The following REEP3 variants were observed in gnomAD, a reference collection of about 807,000 sequenced individuals.
REEP3 encodes receptor expression-enhancing protein 3.
A neutral mutation model predicts 41.3 loss-of-function variants in REEP3; 20 were observed. The observed-to-expected ratio is 0.48, with a 90% CI of 0.34 to 0.70. The LOEUF is 0.70. Ranked by LOEUF, REEP3 falls within the 30% of genes least tolerant of loss-of-function variation. REEP3 has a pLI of 0.01. For synonymous variants in REEP3, 104 were observed against 101.8 expected (o/e 1.02, Z -0.13); for missense variants, 271 against 308.8 (o/e 0.88, Z 0.92).
intron 2 of REEP3, among the ~76,000 whole-genome samples, chr10:63,579,736 T>A (rs1955932311): frequency 1.3e-5 from 2 of 152,372 alleles, no homozygotes; most frequent in South Asian, 2.1e-4. Context: ...ATGGATTTTT[T>A]AAACCATTTT....
At chr10:63,583,484 G>A (rs897960464) in intron 2 of REEP3, among the ~76,000 whole-genome samples, 1 of 152,202 alleles carries the variant, frequency 6.6e-6, no homozygotes, top group Non-Finnish European at 1.5e-5. Context: ...TACTAAGTCA[G>A]CCATAGCCTT....
intron 2 of REEP3, 147 bp from the exon 3 acceptor site, chr10:63,594,631 G>A: frequency 1.7e-6 from 1 of 597,452 alleles, no homozygotes; most frequent in Non-Finnish European, 3.0e-6. Context: ...ATCACTTTCT[G>A]CGTTTGACCC....
rs1193761057 is a variant in REEP3, at chr10:63,624,142, T to C, written c.*3273T>C. 2 of 152,028 alleles carry C rather than the reference T, an allele frequency of 1.3e-5. No homozygotes were observed. The highest frequency in any genetic ancestry group is 2.9e-5 in the Non-Finnish European group (2 of 67,960). 9.4% of individuals were successfully genotyped at this position (152,028 alleles called of 1,614,324 possible). A position where few individuals can be genotyped will look rare whatever the true frequency, so the allele number is the denominator to read the frequency against. The stretch of plus-strand genomic sequence containing the variant: ...TTTGATTATCAGGAAAATTAAGGAG[T>C]TATATATTTAAAAGCAATTTTCTGT... On this transcript the variant is annotated 3_prime_UTR_variant, in exon 8 of 8. Transcript: ENST00000373758.
chr10:63,588,041 T>G (rs559651951), intron 2 of REEP3, among the ~76,000 whole-genome samples: 2 of 152,322 alleles, frequency 1.3e-5, no homozygotes, highest in South Asian at 4.1e-4. Context: ...GACAGCTCCC[T>G]TTCCCATCCT....
chr10:63,527,788 T>C (rs1955380171), intron 1 of REEP3, among the ~76,000 whole-genome samples: 1 of 152,318 alleles, frequency 6.6e-6, no homozygotes, highest in Admixed American at 6.5e-5. Flanking sequence ...TAGACTTTTC[T>C]CTCCTTCCAC....
At chr10:63,596,352 T>C (rs1956114619) in intron 3 of REEP3, among the ~76,000 whole-genome samples, 1 of 152,082 alleles carries the variant, frequency 6.6e-6, no homozygotes, top group African/African-American at 2.4e-5. Context: ...AAGTTCTCTT[T>C]TTAAGACTTC....
rs539783558 is a variant in REEP3 at position 63,533,244 on chromosome 10, G to A, written c.32+11667G>A. 2.0e-5 allele frequency among the ~76,000 whole-genome samples: 3 copies of A among 152,284 alleles called. No individual in the cohort carries two copies. In the South Asian group the frequency reaches 6.2e-4, roughly 32 times the overall value. On this transcript the variant is annotated intron_variant, in intron 1 of 7. Transcript: ENST00000373758. ...GCACTTTCACCAAAACTGTGAAGTG[G>A]GCAAACTGACTCTTGGAGAGGCCCA...
chr10:63,543,627 T>A (rs1955551204), intron 1 of REEP3, among the ~76,000 whole-genome samples: 1 of 152,210 alleles, frequency 6.6e-6, no homozygotes, highest in African/African-American at 2.4e-5. Flanking sequence ...AAGATTCAGT[T>A]CTGCCTTCCT....
intron 6 of REEP3, among the ~76,000 whole-genome samples, chr10:63,611,785 A>ATTT (rs1302598086): frequency 1.4e-5 from 2 of 146,138 alleles, no homozygotes; most frequent in African/African-American, 5.0e-5. Flanking sequence ...GCAAAAAAAA[A>ATTT]TTTTTTTTTT....
At chr10:63,588,172 T>C (rs1485397965) in intron 2 of REEP3, among the ~76,000 whole-genome samples, 1 of 152,214 alleles carries the variant, frequency 6.6e-6, no homozygotes, top group Non-Finnish European at 1.5e-5. Flanking sequence ...GCCTAACCCA[T>C]GAACCCTTCA....
intron 1 of REEP3, among the ~76,000 whole-genome samples, chr10:63,538,499 C>T (rs2133348147): frequency 6.6e-6 from 1 of 152,190 alleles, no homozygotes; most frequent in South Asian, 2.1e-4. Context: ...TTTGGGAGGC[C>T]AAGGCGGGCG....
At chr10:63,558,222 G>T (rs555627827) in intron 1 of REEP3, among the ~76,000 whole-genome samples, 4 of 152,200 alleles carry the variant, frequency 2.6e-5, no homozygotes, top group Non-Finnish European at 5.9e-5. Flanking sequence ...TTACAACAAT[G>T]TTGGCAAAAG....
intron 1 of REEP3, among the ~76,000 whole-genome samples, chr10:63,537,337 T>TAC (rs1230039752): frequency 6.6e-6 from 1 of 152,184 alleles, no homozygotes; most frequent in Non-Finnish European, 1.5e-5. Flanking sequence ...AATGTATACA[T>TAC]ACACACATAT....
In REEP3 at chr10:63,566,175, C is replaced by T. The variant is rs146835881; in HGVS notation, c.33-163C>T. Among the ~76,000 whole-genome samples, 968 of 152,166 alleles carry T rather than the reference C, an allele frequency of 6.4e-3. 3 individuals carry two copies. The highest frequency in any genetic ancestry group is 0.012 in the Admixed American group (176 of 15,288). On this transcript the variant is annotated intron_variant, in intron 1 of 7. Transcript: ENST00000373758. ...CTGGGATTACAGGCGTGAGCCACTG[C>T]GCCTGGCTAAATTATCTTTTTATTA...
At chr10:63,599,636 TTCTG>T in intron 5 of REEP3, 1 of 952,400 alleles carries the variant, frequency 1.0e-6, no homozygotes, top group Non-Finnish European at 1.3e-6. Flanking sequence ...CTCTCTTTTT[TTCTG>T]TCTCTTTGTC....
chr10:63,538,277 A>T (rs139968006), intron 1 of REEP3, among the ~76,000 whole-genome samples: 2 of 152,286 alleles, frequency 1.3e-5, no homozygotes, highest in Non-Finnish European at 2.9e-5. Context: ...TAAATTTTTG[A>T]GTGATATTTC....
intron 1 of REEP3, among the ~76,000 whole-genome samples, chr10:63,558,570 T>C (rs1317624749): frequency 6.6e-6 from 1 of 152,056 alleles, no homozygotes; most frequent in Non-Finnish European, 1.5e-5. Flanking sequence ...ACAGATTGCT[T>C]GAGACCAGGA....
At position 63,621,307 on chromosome 10, in the gene REEP3, A is replaced by C. The variant is rs1007487030; in HGVS notation, c.*438A>C. The C allele has an allele frequency of 9.8e-5, 15 of 152,762 alleles. No homozygotes were observed. Among genetic ancestry groups the C allele is most frequent in the African/African-American group, 3.4e-4 (14 of 41,462 alleles). 9.5% of individuals were successfully genotyped at this position (152,762 alleles called of 1,614,324 possible). The stretch of plus-strand genomic sequence containing the variant: ...TCAGCAGTGACATAACAAGGACATA[A>C]TGTAAGATAATAAAGTAGGTTTTAT... On this transcript the variant is annotated 3_prime_UTR_variant, in exon 8 of 8. Coordinates refer to ENST00000373758, the MANE Select transcript of REEP3 (RefSeq NM_001001330.3).
chr10:63,571,829 GAGTCACAT>G (rs1480999053), intron 2 of REEP3, among the ~76,000 whole-genome samples: 1 of 152,122 alleles, frequency 6.6e-6, no homozygotes, highest in Non-Finnish European at 1.5e-5. Context: ...AATTTACCTG[GAGTCACAT>G]GGATTGTAAA....
Sources: gnomAD v4.1 joint callset for allele counts (sites outside exome capture counted in the v4.1 genomes callset) on GRCh38, gnomAD v4.1.1 for gene constraint, MANE v1.5 for transcripts, NCBI Gene and HGNC (gene_info 2026-07-23, HGNC 2026-07-21) for gene names.